The following PPFIA2 variants were observed in gnomAD, a reference collection of about 807,000 sequenced individuals.
PPFIA2 encodes PPFI scaffold protein A2, also known as liprin-alpha-2.
Under a neutral mutation model 175.5 loss-of-function variants are expected in PPFIA2, and 46 were observed. The observed-to-expected ratio is 0.26, with a 90% CI of 0.21 to 0.34. The LOEUF (loss-of-function observed/expected upper bound fraction) is 0.34, where lower values mean the gene tolerates loss of function less well. Among genes scored for constraint, PPFIA2 ranks in the 10% least tolerant of loss-of-function variants. PPFIA2 has a pLI of 1.00. For missense variants in PPFIA2, 1,179 were observed against 1,506.1 expected, an observed-to-expected ratio of 0.78 and a Z score of 3.60; for synonymous variants, 568 against 511.4, an observed-to-expected ratio of 1.11 and a Z score of -1.49.
At chr12:81,632,457 C>A (rs2063499262) in intron 4 of PPFIA2, among the ~76,000 whole-genome samples, 1 of 151,930 alleles carries the variant, frequency 6.6e-6, no homozygotes. Flanking sequence ...CATCTCTTAT[C>A]TAGAAATTTT....
chr12:81,693,581 T>C, intron 3 of PPFIA2, among the ~76,000 whole-genome samples: 1 of 152,094 alleles, frequency 6.6e-6, no homozygotes, highest in East Asian at 1.9e-4. Flanking sequence ...TTTGTAGCAA[T>C]GCAAGAATGG....
At chr12:81,286,144 T>C (rs1041319484) in intron 24 of PPFIA2, among the ~76,000 whole-genome samples, 43 of 152,046 alleles carry the variant, frequency 2.8e-4, no homozygotes, top group African/African-American at 1.0e-3. Flanking sequence ...AAGAAAGATA[T>C]TAATTTTGTT....
intron 28 of PPFIA2, among the ~76,000 whole-genome samples, chr12:81,276,184 T>A (rs7132690): frequency 0.011 from 1,615 of 152,280 alleles, 25 homozygotes; most frequent in African/African-American, 0.036. Context: ...GTCAAATACC[T>A]CATGCTTTCA....
intron 4 of PPFIA2, among the ~76,000 whole-genome samples, chr12:81,636,761 T>C (rs1201857376): frequency 1.3e-5 from 2 of 151,986 alleles, no homozygotes; most frequent in Non-Finnish European, 2.9e-5. Flanking sequence ...CAAGTGATTC[T>C]TGTGCCTCAG....
intron 4 of PPFIA2, among the ~76,000 whole-genome samples, chr12:81,499,126 G>A (rs751044597): frequency 7.9e-5 from 12 of 152,264 alleles, no homozygotes; most frequent in South Asian, 4.1e-4. Context: ...CAGGCTTGCC[G>A]CCCCTGCAGT....
chr12:81,414,039 T>C (rs774939612), intron 7 of PPFIA2, among the ~76,000 whole-genome samples: 2 of 151,754 alleles, frequency 1.3e-5, no homozygotes, highest in Non-Finnish European at 3.0e-5. Context: ...CCAGTAACCT[T>C]GTAAATTTGG....
rs202195258 is a variant in PPFIA2 at position 81,484,290 on chromosome 12, G to A, written c.304-26424C>T. 2.6e-5 allele frequency among the ~76,000 whole-genome samples: 4 copies of A among 151,998 alleles called. No homozygotes were observed. The East Asian group carries it at 7.7e-4, about 29-fold the overall frequency. On this transcript the variant is annotated intron_variant, in intron 4 of 32. Transcript: ENST00000549396. ...CACTATGCTAGACACTTTGGAAGAA[G>A]GGGTGGTTTTAACCACAGTGATGCT...
chr12:81,553,522 T>G (rs1004603832), intron 4 of PPFIA2, among the ~76,000 whole-genome samples: 1 of 152,090 alleles, frequency 6.6e-6, no homozygotes, highest in Non-Finnish European at 1.5e-5. Flanking sequence ...GACACAAGCA[T>G]AGCACTTCAA....
At position 81,295,054 on chromosome 12, in the gene PPFIA2, T is replaced by C. The variant is rs1319741522; in HGVS notation, c.2725-19A>G. 1 of 1,603,634 alleles carries C rather than the reference T, an allele frequency of 6.2e-7. No individual in the cohort carries two copies. The highest frequency in any genetic ancestry group is 8.5e-7 in the Non-Finnish European group (1 of 1,173,532). Reference sequence around the variant, plus strand: ...ACCAAAGCTGTTAGATAGGAAAAAATACACTAACAAATTATAATAATAGTT... The same window carrying C: ...ACCAAAGCTGTTAGATAGGAAAAAACACACTAACAAATTATAATAATAGTT... On this transcript the variant is annotated intron_variant, in intron 23 of 32. Coordinates refer to ENST00000549396, the MANE Select transcript of PPFIA2 (RefSeq NM_003625.5).
At chr12:81,739,218 C>T (rs1205136757) in intron 3 of PPFIA2, among the ~76,000 whole-genome samples, 1 of 151,796 alleles carries the variant, frequency 6.6e-6, no homozygotes, top group Non-Finnish European at 1.5e-5. Context: ...TTTAAAAAAA[C>T]AAATTAAATA....
intron 4 of PPFIA2, among the ~76,000 whole-genome samples, chr12:81,562,194 C>A (rs1414033494): frequency 6.6e-6 from 1 of 151,372 alleles, no homozygotes; most frequent in Non-Finnish European, 1.5e-5. Flanking sequence ...TTAGAGGGTA[C>A]AAAAAGAAAA....
At chr12:81,683,592 C>A (rs1341254320) in intron 3 of PPFIA2, among the ~76,000 whole-genome samples, 1 of 151,942 alleles carries the variant, frequency 6.6e-6, no homozygotes, top group African/African-American at 2.4e-5. Flanking sequence ...ATATCTTTTG[C>A]CGTTCTCCCT....
chr12:81,366,654 C>T (rs183815744), intron 14 of PPFIA2, among the ~76,000 whole-genome samples: 9 of 151,700 alleles, frequency 5.9e-5, no homozygotes, highest in Admixed American at 5.9e-4. Context: ...TTTTTTAGCT[C>T]CTTTGGAACT....
intron 24 of PPFIA2, among the ~76,000 whole-genome samples, chr12:81,286,343 G>T (rs2043391064): frequency 1.3e-5 from 2 of 152,100 alleles, no homozygotes; most frequent in South Asian, 4.2e-4. Flanking sequence ...GTCTACAGTA[G>T]TATATAGTAA....
chr12:81,550,681 G>C (rs779379794), intron 4 of PPFIA2, among the ~76,000 whole-genome samples: 2 of 151,832 alleles, frequency 1.3e-5, no homozygotes, highest in African/African-American at 4.8e-5. Flanking sequence ...TGTGCATAGG[G>C]GATGTTGAGG....
intron 31 of PPFIA2, among the ~76,000 whole-genome samples, chr12:81,262,563 G>A (rs926496225): frequency 1.3e-5 from 2 of 152,058 alleles, no homozygotes; most frequent in Non-Finnish European, 2.9e-5. Context: ...CAAATAGCAT[G>A]GGACTATTTT....
At chr12:81,390,009 A>G (rs2039815340) in intron 8 of PPFIA2, among the ~76,000 whole-genome samples, 1 of 152,070 alleles carries the variant, frequency 6.6e-6, no homozygotes, top group Non-Finnish European at 1.5e-5. Flanking sequence ...GCAGTTCTGG[A>G]CTTTTCACAG....
intron 4 of PPFIA2, among the ~76,000 whole-genome samples, chr12:81,493,939 A>G (rs1728352973): frequency 6.6e-6 from 1 of 151,754 alleles, no homozygotes; most frequent in South Asian, 2.1e-4. Context: ...AAATTTCAGA[A>G]AAAGCAAAGT....
rs1292804716 is a variant in PPFIA2, at chr12:81,487,728, C to A, written c.304-29862G>T. Among the ~76,000 whole-genome samples the A allele has an allele frequency of 4.0e-5, 6 of 151,816 alleles. No homozygotes were observed. In the East Asian group the frequency reaches 7.8e-4, roughly 20 times the overall value. On this transcript the variant is annotated intron_variant, in intron 4 of 32. Transcript: ENST00000549396. ...CTTTCACAGTCAATTCCAGTTATTT[C>A]TTTAAGGCAAGAAACAAACAGTGTA...
Sources: allele counts gnomAD v4.1 joint callset (sites outside exome capture counted in the v4.1 genomes callset), GRCh38; gene constraint gnomAD v4.1.1; transcripts MANE v1.5; gene names NCBI Gene and HGNC (gene_info 2026-07-23, HGNC 2026-07-21).